Variants in JADE1 observed in about 807,000 individuals in gnomAD.
JADE1 encodes protein Jade-1.
In JADE1, 14 loss-of-function variants were observed where a neutral mutation model predicts 81.8. The observed-to-expected ratio is 0.17, with a 90% CI of 0.11 to 0.27. The LOEUF (loss-of-function observed/expected upper bound fraction) is 0.27, where lower values mean the gene tolerates loss of function less well. JADE1 is among the 10% of genes least tolerant of loss of function. JADE1 has a pLI of 1.00. For missense variants in JADE1, 690 were observed against 1,047.9 expected (o/e 0.66, Z 4.71); for synonymous variants, 353 against 391.9 (o/e 0.90, Z 1.17).
Position 128,862,911 on chromosome 4 carries a change from TGTGCGC to T in JADE1, c.1503+691_1503+696del, listed in dbSNP as rs1268710953. ...CACTGAGGCTGTGTGTGTGTGTGTGTGTGCGCGTGCCCGTGTCCATCCATGTCTCTG... is the reference window on the plus strand; with the variant it reads ...CACTGAGGCTGTGTGTGTGTGTGTGTGTGCCCGTGTCCATCCATGTCTCTG... On this transcript the variant is annotated intron_variant, in intron 9 of 10. Coordinates refer to ENST00000226319, the MANE Select transcript of JADE1 (RefSeq NM_199320.4). The T allele has an allele frequency of 2.5e-4, 244 of 984,664 alleles. 1 individual carries two copies. In the East Asian group the frequency reaches 2.7e-3, roughly 11 times the overall value. The allele number at this position is 984,664 out of a possible 1,614,324, so 61.0% of individuals were successfully genotyped here.
At chr4:128,849,391 C>T (rs565522819) in intron 5 of JADE1, among the ~76,000 whole-genome samples, 1 of 152,158 alleles carries the variant, frequency 6.6e-6, no homozygotes, top group South Asian at 2.1e-4. Flanking sequence ...GCTCAGGCAC[C>T]AGGGATTCCC....
At position 128,835,857 on chromosome 4, in the gene JADE1, G is replaced by A. The variant is rs75017714; in HGVS notation, c.52+4047G>A. Among the ~76,000 whole-genome samples the A allele has an allele frequency of 3.0e-3, 461 of 152,334 alleles. 2 individuals carry two copies. The highest frequency in any genetic ancestry group is 9.1e-3 in the African/African-American group (378 of 41,572). On this transcript the variant is annotated intron_variant, in intron 2 of 10. Coordinates refer to ENST00000226319, the MANE Select transcript of JADE1 (RefSeq NM_199320.4). ...GCCTGGTCCAGAGGAATACCAGTGTGGTATTTACAGTTGGGGACGGACAGG... is the reference window on the plus strand; with the variant it reads ...GCCTGGTCCAGAGGAATACCAGTGTAGTATTTACAGTTGGGGACGGACAGG...
intron 10 of JADE1, among the ~76,000 whole-genome samples, chr4:128,868,457 G>T (rs1731945626): frequency 6.6e-6 from 1 of 152,310 alleles, no homozygotes; most frequent in Admixed American, 6.5e-5. Context: ...GTTCACAGTA[G>T]ATTTTTTTTG....
chr4:128,815,693 G>T (rs1039601594), intron 1 of JADE1, among the ~76,000 whole-genome samples: 1 of 152,108 alleles, frequency 6.6e-6, no homozygotes, highest in Non-Finnish European at 1.5e-5. Context: ...GGAGGCATAG[G>T]AATCTGTCAC....
Position 128,873,281 on chromosome 4 carries a change from G to GAAAAAAAAAAGAAAAAAAAAAAAAAA in JADE1, c.*1036_*1037insAAAAAAAAAAAAAAAAAAAGAAAAAA. On this transcript the variant is annotated 3_prime_UTR_variant, in exon 11 of 11. Coordinates refer to ENST00000226319, the MANE Select transcript of JADE1 (RefSeq NM_199320.4). Reference sequence around the variant, plus strand: ...GAAAAAAAAAAAAAAAAGAAAAAAAGAAAAAAAAAAGAAAAAAGAAAAAAA... The same window carrying GAAAAAAAAAAGAAAAAAAAAAAAAAA: ...GAAAAAAAAAAAAAAAAGAAAAAAAGAAAAAAAAAAGAAAAAAAAAAAAAAAAAAAAAAAAAGAAAAAAGAAAAAAA... 1 of 105,638 alleles carries GAAAAAAAAAAGAAAAAAAAAAAAAAA rather than the reference G, an allele frequency of 9.5e-6. No homozygotes were observed. Among genetic ancestry groups the GAAAAAAAAAAGAAAAAAAAAAAAAAA allele is most frequent in the Non-Finnish European group, 2.0e-5 (1 of 49,150 alleles). The allele number at this position is 105,638 out of a possible 1,614,324, so 6.5% of individuals were successfully genotyped here.
intron 1 of JADE1, among the ~76,000 whole-genome samples, chr4:128,816,871 C>T (rs899472741): frequency 6.6e-6 from 1 of 151,442 alleles, no homozygotes; most frequent in Admixed American, 6.6e-5. Context: ...AAGTAAACTA[C>T]ATTTTCTCTC....
intron 9 of JADE1, 114 bp downstream of exon 9, chr4:128,862,339 C>CACCA (rs1731694117): frequency 1.3e-6 from 2 of 1,503,988 alleles, no homozygotes; most frequent in Non-Finnish European, 1.8e-6. Flanking sequence ...CCCTTGTACA[C>CACCA]ACCACAGCAT....
intron 2 of JADE1, among the ~76,000 whole-genome samples, chr4:128,841,342 C>T (rs1729418543): frequency 6.6e-6 from 1 of 152,154 alleles, no homozygotes; most frequent in Admixed American, 6.5e-5. Context: ...AGCAGTACGG[C>T]ACCCACAAAT....
chr4:128,820,198 A>G (rs955828496), intron 1 of JADE1, among the ~76,000 whole-genome samples: 8 of 151,636 alleles, frequency 5.3e-5, no homozygotes, highest in African/African-American at 1.9e-4. Flanking sequence ...TGCAACCTCC[A>G]TCTCCTGGGT....
At chr4:128,852,752 A>G (rs1187306395) in intron 6 of JADE1, among the ~76,000 whole-genome samples, 2 of 152,202 alleles carry the variant, frequency 1.3e-5, no homozygotes, top group African/African-American at 4.8e-5. Flanking sequence ...AAAGTCCAGA[A>G]TTGAGGTGGT....
At chr4:128,858,900 G>A (rs1005382828) in intron 8 of JADE1, among the ~76,000 whole-genome samples, 2 of 152,068 alleles carry the variant, frequency 1.3e-5, no homozygotes, top group Admixed American at 6.6e-5. Flanking sequence ...GAGCCACCGC[G>A]CCTGGCTATT....
chr4:128,872,382 C>T lies in JADE1; in HGVS notation c.*120C>T. 1.2e-6 allele frequency: 1 copy of T among 819,040 alleles called. No individual in the cohort carries two copies. Among genetic ancestry groups the T allele is most frequent in the Non-Finnish European group, 1.9e-6 (1 of 529,738 alleles). The allele number at this position is 819,040 out of a possible 1,614,324, so 50.7% of individuals were successfully genotyped here. ...TGAGCTACACAAACACATTTACTTG[C>T]AATTCAGATTAATTTTTTTCCAGAG... On this transcript the variant is annotated 3_prime_UTR_variant, in exon 11 of 11. Transcript: ENST00000226319.
At chr4:128,834,848 A>T (rs1038205520) in intron 2 of JADE1, among the ~76,000 whole-genome samples, 2 of 152,004 alleles carry the variant, frequency 1.3e-5, no homozygotes, top group African/African-American at 4.8e-5. Flanking sequence ...TATTTCATCT[A>T]AAATATATAT....
intron 2 of JADE1, among the ~76,000 whole-genome samples, chr4:128,840,695 G>A (rs1729363786): frequency 6.6e-6 from 1 of 152,168 alleles, no homozygotes; most frequent in African/African-American, 2.4e-5. Context: ...TTCCAGTAAT[G>A]ACCAGATTTA....
intron 1 of JADE1, among the ~76,000 whole-genome samples, chr4:128,826,098 C>T (rs1438920532): frequency 6.6e-6 from 1 of 152,206 alleles, no homozygotes; most frequent in Non-Finnish European, 1.5e-5. Context: ...GCTCTTTTGT[C>T]TCTGTAGCTA....
chr4:128,871,654 C>T lies in JADE1; in HGVS notation c.1921C>T (p.Arg641Cys), dbSNP rs1362304065. 2.5e-6 allele frequency: 4 copies of T among 1,614,194 alleles called. No individual in the cohort carries two copies. The Admixed American group carries it at 6.7e-5, about 27-fold the overall frequency. Residue 641 changes from arginine (R) to cysteine (C), a missense_variant, in exon 11 of 11, where the codon CGT (arginine) becomes TGT (cysteine). Physicochemically the swap from Arg to Cys is radical, Grantham distance 180 (BLOSUM62 -3). Coordinates refer to ENST00000226319, the MANE Select transcript of JADE1 (RefSeq NM_199320.4). This position sits in a 1 kb window ranked among gnomAD's most constrained non-coding sequence, Gnocchi z 4.1. ...TTTAGAAAAGACCTTTGCAGAAGCA[C>T]GTCTCATATCAGCACAACAGAAAAA... ...LGLEKTFAEA[R>C]LISAQQKNGV...
At position 128,874,775 on chromosome 4, in the gene JADE1, A is replaced by G. The variant is rs1022012443; in HGVS notation, c.*2513A>G. 1 of 152,642 alleles carries G rather than the reference A, an allele frequency of 6.6e-6. No homozygotes were observed. The highest frequency in any genetic ancestry group is 1.5e-5 in the Non-Finnish European group (1 of 68,032). The allele number at this position is 152,642 out of a possible 1,614,324, so 9.5% of individuals were successfully genotyped here. A position where few individuals can be genotyped will look rare whatever the true frequency, so the allele number is the denominator to read the frequency against. ...TTTCCTTGTGCATCCTGACCAAGAA[A>G]TATCTTTGATTATGATTAATGTATT... On this transcript the variant is annotated 3_prime_UTR_variant, in exon 11 of 11. Transcript: ENST00000226319.
At position 128,857,387 on chromosome 4, in the gene JADE1, A is replaced by G. The variant is rs1439874885; in HGVS notation, c.914A>G (p.His305Arg). The G allele has an allele frequency of 6.2e-7, 1 of 1,614,186 alleles. No individual in the cohort carries two copies. ...ATGGAGCCCATCACCAAGGTGTCACACATTCCCAGCAGCCGGTGGGCGCTA... is the reference window on the plus strand; with the variant it reads ...ATGGAGCCCATCACCAAGGTGTCACGCATTCCCAGCAGCCGGTGGGCGCTA... The part of the protein sequence containing the change: ...EKMEPITKVS[H>R]IPSSRWALVC... Residue 305 changes from histidine to arginine, a missense_variant, in exon 8 of 11, where the codon CAC (histidine) becomes CGC (arginine). This residue lies in a region of JADE1 where 84 missense variants were observed against 226.6 expected (regional missense o/e 0.37). Transcript: ENST00000226319.
At chr4:128,809,972 C>CGCGGCGGCGACGGCGGCGGCG (rs1726193623) in intron 1 of JADE1, 95 bp downstream of exon 1, 1 of 159,620 alleles carries the variant, frequency 6.3e-6, no homozygotes, top group Non-Finnish European at 1.3e-5. Context: ...GTCCCGGTCC[C>CGCGGCGGCGACGGCGGCGGCG]GCGGCGGCGA....
Sources: gnomAD v4.1 joint callset for allele counts (sites outside exome capture counted in the v4.1 genomes callset) on GRCh38, gnomAD v4.1.1 for gene constraint, gnomAD v4.1.1 regional missense constraint, Gnocchi (gnomAD v3.1) non-coding constraint, MANE v1.5 for transcripts, NCBI Gene and HGNC (gene_info 2026-07-23, HGNC 2026-07-21) for gene names.